SGCD: variants seen among roughly 807,000 people sequenced by gnomAD.
SGCD encodes delta-sarcoglycan.
Under a neutral mutation model 36.6 loss-of-function variants are expected in SGCD, and 18 were observed. The observed-to-expected ratio is 0.49, with a 90% CI of 0.34 to 0.73. The LOEUF (loss-of-function observed/expected upper bound fraction) is 0.73. Ranked by LOEUF, SGCD falls within the 30% of genes least tolerant of loss-of-function variation. The probability of loss-of-function intolerance (pLI) is 0.01; values close to 1 mark genes in which losing one functional copy is unlikely to be tolerated. For missense variants in SGCD, 387 were observed against 346.7 expected, an observed-to-expected ratio of 1.12 and a Z score of -0.92; for synonymous variants, 133 against 130.6, an observed-to-expected ratio of 1.02 and a Z score of -0.12.
chr5:156,211,222 G>A (rs555089650), intron 3 of SGCD, among the ~76,000 whole-genome samples: 29 of 152,168 alleles, frequency 1.9e-4, no homozygotes, highest in Non-Finnish European at 4.3e-4. Context: ...TTTTAGAAAT[G>A]AAGGAGAGAG....
intron 3 of SGCD, among the ~76,000 whole-genome samples, chr5:156,488,108 T>G (rs904200848): frequency 7.1e-6 from 1 of 141,178 alleles, no homozygotes; most frequent in African/African-American, 2.7e-5. Flanking sequence ...GTTTTTTTTT[T>G]TTTTTTTTTT....
intron 7 of SGCD, among the ~76,000 whole-genome samples, chr5:156,748,276 G>A (rs766480857): frequency 5.3e-5 from 8 of 152,120 alleles, no homozygotes; most frequent in African/African-American, 1.2e-4. Context: ...TGTTGGATGC[G>A]ATGGTGATTA....
intron 1 of SGCD, among the ~76,000 whole-genome samples, chr5:156,055,658 C>A (rs1196885355): frequency 6.8e-6 from 1 of 146,270 alleles, no homozygotes; most frequent in African/African-American, 2.5e-5. Flanking sequence ...GAAATGTACT[C>A]TTTAACAAAC....
chr5:155,918,788 G>C (rs181741), intron 1 of SGCD, among the ~76,000 whole-genome samples: 126,675 of 152,202 alleles, frequency 0.83, 52,966 homozygotes, highest in Admixed American at 0.9. Context: ...CTCAGACTTG[G>C]CTTCTATGCA....
chr5:155,793,280 T>C, the SGCD span, among the ~76,000 whole-genome samples: 2 of 152,012 alleles, frequency 1.3e-5, no homozygotes, highest in African/African-American at 4.8e-5. Context: ...ACTGAAAAAC[T>C]ACCTGTTGGA....
chr5:156,207,364 A>G (rs1306106481), intron 3 of SGCD, among the ~76,000 whole-genome samples: 1 of 152,160 alleles, frequency 6.6e-6, no homozygotes, highest in Non-Finnish European at 1.5e-5. Flanking sequence ...GTCATTTAAT[A>G]TTTCTGGACC....
At chr5:156,019,099 A>G (rs1039080628) in intron 1 of SGCD, among the ~76,000 whole-genome samples, 2 of 152,226 alleles carry the variant, frequency 1.3e-5, no homozygotes, top group African/African-American at 4.8e-5. Flanking sequence ...CTAATTTGAC[A>G]TATTTAATGA....
chr5:155,995,460 G>A (rs1490230483), intron 1 of SGCD, among the ~76,000 whole-genome samples: 1 of 152,116 alleles, frequency 6.6e-6, no homozygotes, highest in African/African-American at 2.4e-5. Flanking sequence ...TCCTGTGTAA[G>A]TTGTGATATG....
the SGCD span, among the ~76,000 whole-genome samples, chr5:155,783,940 C>T: frequency 2.0e-5 from 3 of 152,304 alleles, no homozygotes; most frequent in African/African-American, 7.2e-5. Flanking sequence ...GTTGGTCTTC[C>T]CTCCTCATGA....
At chr5:156,074,945 C>G (rs755680840) in intron 1 of SGCD, among the ~76,000 whole-genome samples, 1 of 152,226 alleles carries the variant, frequency 6.6e-6, no homozygotes, top group Non-Finnish European at 1.5e-5. Flanking sequence ...CAGCTTCTAA[C>G]TTCAGTCATC....
At chr5:155,788,186 A>T in the SGCD span, among the ~76,000 whole-genome samples, 5 of 152,266 alleles carry the variant, frequency 3.3e-5, 1 homozygote, top group African/African-American at 1.2e-4. Flanking sequence ...TTCACATGCA[A>T]CATTTTCTCA....
chr5:156,639,572 CA>C (rs1762953342), intron 6 of SGCD, among the ~76,000 whole-genome samples: 1 of 152,200 alleles, frequency 6.6e-6, no homozygotes, highest in Non-Finnish European at 1.5e-5. Flanking sequence ...TTTCTCTTGT[CA>C]AAAGGTTGTA....
intron 3 of SGCD, among the ~76,000 whole-genome samples, chr5:156,410,743 C>T (rs939106417): frequency 6.6e-6 from 1 of 152,148 alleles, no homozygotes; most frequent in East Asian, 1.9e-4. Flanking sequence ...TTTATCTCTG[C>T]TTCCAGCTGC....
chr5:155,878,575 G>T (rs984846207), intron 1 of SGCD, among the ~76,000 whole-genome samples: 9 of 152,076 alleles, frequency 5.9e-5, no homozygotes, highest in African/African-American at 2.2e-4. Context: ...AAACTACCTT[G>T]ATAAGAATAC....
intron 1 of SGCD, among the ~76,000 whole-genome samples, chr5:156,079,839 CT>C (rs1760903177): frequency 6.6e-6 from 1 of 152,178 alleles, no homozygotes; most frequent in South Asian, 2.1e-4. Flanking sequence ...GTGAAAGCTG[CT>C]GGTGGATCTA....
At chr5:156,249,644 C>G (rs1468714974) in intron 3 of SGCD, among the ~76,000 whole-genome samples, 2 of 151,734 alleles carry the variant, frequency 1.3e-5, no homozygotes, top group African/African-American at 4.8e-5. Context: ...AAATTGTTTT[C>G]TCTTTCTCTT....
intron 6 of SGCD, among the ~76,000 whole-genome samples, chr5:156,613,196 C>A (rs754154503): frequency 6.6e-6 from 1 of 152,140 alleles, no homozygotes; most frequent in Non-Finnish European, 1.5e-5. Context: ...TTGTTTGCAT[C>A]CCTTTTTGTG....
At chr5:155,933,508 G>A (rs1757137522) in intron 1 of SGCD, among the ~76,000 whole-genome samples, 1 of 152,092 alleles carries the variant, frequency 6.6e-6, no homozygotes, top group Non-Finnish European at 1.5e-5. Context: ...AACAGAGCCT[G>A]GCAAAATATA....
At chr5:155,962,426 G>A (rs1269008685) in intron 1 of SGCD, among the ~76,000 whole-genome samples, 2 of 152,012 alleles carry the variant, frequency 1.3e-5, no homozygotes, top group Non-Finnish European at 1.5e-5. Context: ...ACTAACCTAG[G>A]TCATGCTGAG....
Sources: allele counts gnomAD v4.1 joint callset (sites outside exome capture counted in the v4.1 genomes callset), GRCh38; gene constraint gnomAD v4.1.1; transcripts MANE v1.5; gene names NCBI Gene and HGNC (gene_info 2026-07-23, HGNC 2026-07-21).